Variants in GLCE observed in about 807,000 individuals in gnomAD.
GLCE encodes D-glucuronyl C5-epimerase.
A neutral mutation model predicts 47.9 loss-of-function variants in GLCE; 19 were observed. The observed-to-expected ratio is 0.40, with a 90% CI of 0.28 to 0.58. GLCE has a LOEUF of 0.58. GLCE is among the 20% of genes least tolerant of loss of function. GLCE has a pLI of 0.48. For missense variants in GLCE, 556 were observed against 743.3 expected, an observed-to-expected ratio of 0.75 and a Z score of 2.93; for synonymous variants, 245 against 263.4, an observed-to-expected ratio of 0.93 and a Z score of 0.68.
Position 69,268,572 on chromosome 15 carries a change from T to A in GLCE, c.1182T>A (p.Ile394=). 2 of 1,614,162 alleles carry A rather than the reference T, an allele frequency of 1.2e-6. No homozygotes were observed. The highest frequency in any genetic ancestry group is 8.5e-7 in the Non-Finnish European group (1 of 1,180,012). ...AAGGTAAGGGATTCCTCGACAACAT[T>A]ACCATCTCTACCACAGCCCACATGG... The part of the protein sequence containing the change: ...IAKGKGFLDN[I]TISTTAHMAA... Residue 394 remains isoleucine, a synonymous_variant, in exon 5 of 5, where the codon ATT becomes ATA. Transcript: ENST00000261858.
intron 1 of GLCE, chr15:69,194,582 G>A (rs2051959021): frequency 1.3e-5 from 2 of 152,090 alleles, no homozygotes; most frequent in South Asian, 4.1e-4. Context: ...TTTTCAGATA[G>A]TGATGTAGGT....
At chr15:69,167,289 C>G (rs188301288) in intron 1 of GLCE, among the ~76,000 whole-genome samples, 1 of 152,302 alleles carries the variant, frequency 6.6e-6, no homozygotes, top group East Asian at 1.9e-4. Context: ...TGATTTTCCC[C>G]CTCAAGGGGA....
chr15:69,241,657 A>G (rs1595776926), intron 2 of GLCE, among the ~76,000 whole-genome samples: 1 of 152,332 alleles, frequency 6.6e-6, no homozygotes, highest in East Asian at 1.9e-4. Flanking sequence ...GGTATATTAC[A>G]GTGGTTCTCA....
At chr15:69,261,481 C>A in intron 4 of GLCE, 152 bp downstream of exon 4, 1 of 747,834 alleles carries the variant, frequency 1.3e-6, no homozygotes, top group Non-Finnish European at 2.2e-6. Flanking sequence ...CCAATGAAAT[C>A]TCTAAAAAAG....
At chr15:69,175,035 A>T (rs2051642368) in intron 1 of GLCE, among the ~76,000 whole-genome samples, 1 of 152,078 alleles carries the variant, frequency 6.6e-6, no homozygotes, top group South Asian at 2.1e-4. Flanking sequence ...AGGCTTGAAA[A>T]CTACTTAATG....
chr15:69,207,626 A>G (rs1332594405), intron 1 of GLCE, among the ~76,000 whole-genome samples: 4 of 152,128 alleles, frequency 2.6e-5, no homozygotes, highest in Admixed American at 2.6e-4. Context: ...GTATAGGAAT[A>G]CCACAGTTTG....
chr15:69,229,039 C>T (rs1276008021), intron 2 of GLCE, among the ~76,000 whole-genome samples: 1 of 151,998 alleles, frequency 6.6e-6, no homozygotes, highest in Non-Finnish European at 1.5e-5. Flanking sequence ...AAGGTTGAAA[C>T]TAAAAGGATT....
At chr15:69,259,957 G>A (rs2052987857) in intron 3 of GLCE, among the ~76,000 whole-genome samples, 1 of 152,144 alleles carries the variant, frequency 6.6e-6, no homozygotes, top group South Asian at 2.1e-4. Context: ...ACTACAGATA[G>A]TAGTTTATCT....
rs1007739336 is a variant in GLCE, at chr15:69,262,031, G to A, written c.829+702G>A. Reference sequence around the variant, plus strand: ...TAGCACCTCAGGTTTAATTCTCTATGGGGGAATGTTGTCAAGTACAGAACT... The same window carrying A: ...TAGCACCTCAGGTTTAATTCTCTATAGGGGAATGTTGTCAAGTACAGAACT... On this transcript the variant is annotated intron_variant, in intron 4 of 4. Coordinates refer to ENST00000261858, the MANE Select transcript of GLCE (RefSeq NM_015554.3). Among the ~76,000 whole-genome samples the A allele has an allele frequency of 5.3e-5, 8 of 152,182 alleles. No homozygotes were observed. In the South Asian group the frequency reaches 1.7e-3, roughly 32 times the overall value.
intron 2 of GLCE, among the ~76,000 whole-genome samples, chr15:69,240,515 T>C (rs926521332): frequency 3.9e-5 from 6 of 152,058 alleles, no homozygotes; most frequent in African/African-American, 1.4e-4. Context: ...AGAAAATAAG[T>C]TCATAAGGCA....
intron 1 of GLCE, among the ~76,000 whole-genome samples, chr15:69,193,048 C>T (rs921801388): frequency 6.6e-6 from 1 of 151,974 alleles, no homozygotes; most frequent in Non-Finnish European, 1.5e-5. Context: ...GATCTCTTTC[C>T]GTGTTGATCT....
chr15:69,175,029 T>A (rs1320185134), intron 1 of GLCE, among the ~76,000 whole-genome samples: 2 of 152,170 alleles, frequency 1.3e-5, no homozygotes, highest in African/African-American at 4.8e-5. Context: ...TTACTGAGGC[T>A]TGAAAACTAC....
chr15:69,163,533 A>G (rs2051458188), intron 1 of GLCE, among the ~76,000 whole-genome samples: 1 of 152,220 alleles, frequency 6.6e-6, no homozygotes, highest in Non-Finnish European at 1.5e-5. Context: ...CTTCTGAATT[A>G]GTAAAGAAAG....
chr15:69,209,764 T>G (rs2052203238), intron 1 of GLCE, among the ~76,000 whole-genome samples: 1 of 152,130 alleles, frequency 6.6e-6, no homozygotes, highest in African/African-American at 2.4e-5. Context: ...TAATGTTCAC[T>G]CCCTGCAGCT....
chr15:69,212,382 A>G (rs2052245366), intron 2 of GLCE, among the ~76,000 whole-genome samples: 1 of 151,962 alleles, frequency 6.6e-6, no homozygotes, highest in African/African-American at 2.4e-5. Context: ...CTCATAGGAA[A>G]GTTTATACTT....
chr15:69,268,164 A>T, intron 4 of GLCE, 56 bp from the exon 5 acceptor site: 1 of 1,141,256 alleles, frequency 8.8e-7, no homozygotes, highest in Non-Finnish European at 1.2e-6. Context: ...ATTCAATTTC[A>T]AATACAAAAG....
At chr15:69,197,298 A>T (rs2052008451) in intron 1 of GLCE, 1 of 297,982 alleles carries the variant, frequency 3.4e-6, no homozygotes, top group Non-Finnish European at 6.8e-6. Context: ...TGCAGGGAAG[A>T]TGTTTCCACA....
chr15:69,269,454 T>C lies in GLCE; in HGVS notation c.*210T>C, dbSNP rs894753434. 5.2e-6 allele frequency: 3 copies of C among 571,806 alleles called. No homozygotes were observed. The highest frequency in any genetic ancestry group is 3.7e-5 in the African/African-American group (2 of 53,402). 35.4% of individuals were successfully genotyped at this position (571,806 alleles called of 1,614,324 possible). On this transcript the variant is annotated 3_prime_UTR_variant, in exon 5 of 5. Transcript: ENST00000261858. ...AATGTAGGTGGCATTTAGAACACAA[T>C]GTTTAATCAATGGGCTGAACAAAGA... is the stretch of plus-strand genomic sequence containing the variant.
intron 3 of GLCE, among the ~76,000 whole-genome samples, chr15:69,259,337 G>A (rs1335127719): frequency 2.6e-5 from 4 of 152,074 alleles, no homozygotes; most frequent in African/African-American, 4.8e-5. Flanking sequence ...GGTTTTAGAA[G>A]TTTTTAGTTC....
Sources: allele counts gnomAD v4.1 joint callset (sites outside exome capture counted in the v4.1 genomes callset), GRCh38; gene constraint gnomAD v4.1.1; transcripts MANE v1.5; gene names NCBI Gene and HGNC (gene_info 2026-07-23, HGNC 2026-07-21).